Variants in LRRIQ3 observed in about 807,000 individuals in gnomAD.
The protein encoded by LRRIQ3 is leucine-rich repeat and IQ domain-containing protein 3.
LRRIQ3 carries 75 observed loss-of-function variants against 59.3 expected under a neutral mutation model. The observed-to-expected ratio is 1.26, with a 90% CI of 1.05 to 1.53. LRRIQ3 has a LOEUF of 1.53. Ranked by LOEUF, LRRIQ3 falls within the 40% of genes most tolerant of loss-of-function variation. The pLI is 0.00. For missense variants in LRRIQ3, 831 were observed against 710.0 expected, an observed-to-expected ratio of 1.17 and a Z score of -1.94; for synonymous variants, 250 against 231.3, an observed-to-expected ratio of 1.08 and a Z score of -0.73.
At chr1:74,057,784 C>G (rs558193617) in intron 6 of LRRIQ3, among the ~76,000 whole-genome samples, 104 of 152,104 alleles carry the variant, frequency 6.8e-4, no homozygotes, top group African/African-American at 2.4e-3. Flanking sequence ...GCAAAGGAAC[C>G]AATCAGCAGA....
chr1:74,043,630 A>G (rs537604414), intron 6 of LRRIQ3, among the ~76,000 whole-genome samples: 19 of 152,290 alleles, frequency 1.2e-4, no homozygotes, highest in Admixed American at 6.5e-4. Flanking sequence ...TTGGTTGAAC[A>G]TAGTCCCATT....
intron 6 of LRRIQ3, among the ~76,000 whole-genome samples, chr1:74,068,418 CT>C (rs1166263566): frequency 6.6e-5 from 10 of 151,972 alleles, no homozygotes; most frequent in African/African-American, 2.4e-4. Context: ...GAAATGATCA[CT>C]TTTACTTTTG....
At chr1:74,049,722 TAACA>T (rs977311113) in intron 6 of LRRIQ3, among the ~76,000 whole-genome samples, 6 of 152,130 alleles carry the variant, frequency 3.9e-5, no homozygotes, top group African/African-American at 1.2e-4. Context: ...AACACATAAC[TAACA>T]TTTTCCTAAT....
chr1:74,164,337 A>G (rs1648840525), intron 3 of LRRIQ3, among the ~76,000 whole-genome samples: 2 of 151,440 alleles, frequency 1.3e-5, no homozygotes, highest in South Asian at 2.1e-4. Context: ...GCTCTAATAC[A>G]ATATGACTGG....
At chr1:74,156,285 C>T (rs1367085235) in intron 3 of LRRIQ3, among the ~76,000 whole-genome samples, 1 of 152,096 alleles carries the variant, frequency 6.6e-6, no homozygotes. Flanking sequence ...AGGCCCTTAC[C>T]AGAAACAGAT....
rs1317232627 is a variant in LRRIQ3 at position 74,026,371 on chromosome 1, A to G, written c.*442T>C. 1 of 152,250 alleles carries G rather than the reference A, an allele frequency of 6.6e-6. No homozygotes were observed. Among genetic ancestry groups the G allele is most frequent in the African/African-American group, 2.4e-5 (1 of 41,456 alleles). The allele number at this position is 152,250 out of a possible 1,614,324, so 9.4% of individuals were successfully genotyped here. A position where few individuals can be genotyped will look rare whatever the true frequency, so the allele number is the denominator to read the frequency against. On this transcript the variant is annotated 3_prime_UTR_variant, in exon 8 of 8. Transcript: ENST00000354431. ...AATTCAGAAATTGTTTTAACAAAATAAGCAGGAAATATATAAAAGCAGGTA... is the reference window on the plus strand; with the variant it reads ...AATTCAGAAATTGTTTTAACAAAATGAGCAGGAAATATATAAAAGCAGGTA...
intron 1 of LRRIQ3, among the ~76,000 whole-genome samples, chr1:74,184,832 C>A (rs1490935839): frequency 6.6e-6 from 1 of 152,058 alleles, no homozygotes; most frequent in Non-Finnish European, 1.5e-5. Context: ...TATAAATAAA[C>A]CTTTACAAAT....
chr1:74,084,154 T>A, intron 5 of LRRIQ3: 1 of 1,543,882 alleles, frequency 6.5e-7, no homozygotes, highest in Non-Finnish European at 8.7e-7. Flanking sequence ...TTGGCACTGA[T>A]GAGAGATGAA....
chr1:74,088,713 G>A (rs368071307), intron 5 of LRRIQ3, among the ~76,000 whole-genome samples: 4 of 151,704 alleles, frequency 2.6e-5, no homozygotes, highest in South Asian at 2.1e-4. Flanking sequence ...TACTATAAAC[G>A]CTTAGAAGAA....
chr1:74,057,869 A>G (rs1245409148), intron 6 of LRRIQ3, among the ~76,000 whole-genome samples: 2 of 152,128 alleles, frequency 1.3e-5, no homozygotes, highest in African/African-American at 2.4e-5. Flanking sequence ...CTCAAACTCA[A>G]TAGCTAAAAA....
chr1:74,051,851 G>C (rs899875867), intron 6 of LRRIQ3, among the ~76,000 whole-genome samples: 1 of 151,762 alleles, frequency 6.6e-6, no homozygotes, highest in Non-Finnish European at 1.5e-5. Context: ...GTTTGCCTTC[G>C]CCACTCCACT....
rs2100691166 is a variant in LRRIQ3 at position 74,166,859 on chromosome 1, A to G, written c.574-10993T>C. On this transcript the variant is annotated intron_variant, in intron 3 of 7. Coordinates refer to ENST00000354431, the MANE Select transcript of LRRIQ3 (RefSeq NM_001105659.2). ...CAAACATATGAAAAAAATGCTTAAC[A>G]TCACTAATTGTCAGGAAAACACAAA... 2.0e-5 allele frequency among the ~76,000 whole-genome samples: 3 copies of G among 152,082 alleles called. 1 individual carries two copies. In the South Asian group the frequency reaches 6.2e-4, roughly 32 times the overall value.
chr1:74,114,242 C>A (rs566255421), intron 4 of LRRIQ3, among the ~76,000 whole-genome samples: 1 of 151,780 alleles, frequency 6.6e-6, no homozygotes, highest in Non-Finnish European at 1.5e-5. Context: ...CTTTTAGTTT[C>A]TTTAAAAAGC....
intron 7 of LRRIQ3, among the ~76,000 whole-genome samples, chr1:74,040,290 A>G (rs112008200): frequency 0.019 from 2,920 of 152,212 alleles, 81 homozygotes; most frequent in African/African-American, 0.067. Flanking sequence ...GATCCATAAA[A>G]CAAGTTCTTA....
intron 5 of LRRIQ3, chr1:74,081,849 A>G (rs2100496829): frequency 6.6e-6 from 1 of 151,538 alleles, no homozygotes; most frequent in South Asian, 2.1e-4. Context: ...AATAATTAAT[A>G]TCATTGTTTA....
At chr1:74,125,458 T>G (rs1285349120) in intron 4 of LRRIQ3, among the ~76,000 whole-genome samples, 1 of 151,918 alleles carries the variant, frequency 6.6e-6, no homozygotes, top group African/African-American at 2.4e-5. Context: ...AGCCAGTTTT[T>G]TCCTATTCAG....
intron 4 of LRRIQ3, among the ~76,000 whole-genome samples, chr1:74,141,031 C>T (rs1647232111): frequency 6.6e-6 from 1 of 151,790 alleles, no homozygotes; most frequent in Non-Finnish European, 1.5e-5. Flanking sequence ...GAATATTTGT[C>T]TACTGTAATA....
intron 7 of LRRIQ3, among the ~76,000 whole-genome samples, chr1:74,038,316 G>A (rs1332977833): frequency 1.3e-5 from 2 of 152,126 alleles, no homozygotes; most frequent in Non-Finnish European, 2.9e-5. Context: ...TGATCTCCCT[G>A]GGCCTGAGCC....
chr1:74,143,998 T>C (rs1647395869), intron 4 of LRRIQ3, among the ~76,000 whole-genome samples: 1 of 151,936 alleles, frequency 6.6e-6, no homozygotes, highest in African/African-American at 2.4e-5. Context: ...CTTTAAGAAC[T>C]AGTGAAGCAT....
Sources: allele counts gnomAD v4.1 joint callset (sites outside exome capture counted in the v4.1 genomes callset), GRCh38; gene constraint gnomAD v4.1.1; transcripts MANE v1.5; gene names NCBI Gene and HGNC (gene_info 2026-07-23, HGNC 2026-07-21).